The following ADAMTS13 variants were observed in gnomAD, a reference collection of about 807,000 sequenced individuals.
The protein encoded by ADAMTS13 is ADAM metallopeptidase with thrombospondin type 1 motif 13.
Under a neutral mutation model 155.1 loss-of-function variants are expected in ADAMTS13, and 110 were observed. The observed-to-expected ratio is 0.71, with a 90% CI of 0.61 to 0.83. The LOEUF (loss-of-function observed/expected upper bound fraction) is 0.83. Ranked by LOEUF, ADAMTS13 falls within the 40% of genes least tolerant of loss-of-function variation. The pLI is 0.00. For missense variants in ADAMTS13, 1,707 were observed against 1,891.7 expected (o/e 0.90, Z 1.81); for synonymous variants, 758 against 756.4 (o/e 1.00, Z -0.03).
intron 11 of ADAMTS13, among the ~76,000 whole-genome samples, chr9:133,435,023 C>T (rs587715757): frequency 2.6e-5 from 4 of 152,306 alleles, no homozygotes; most frequent in East Asian, 3.9e-4. Context: ...TTCATCCAGT[C>T]GTCTGCTGAT....
intron 5 of ADAMTS13, 23 bp from the exon 6 acceptor site, chr9:133,426,176 A>C (rs782011607): frequency 2.5e-6 from 4 of 1,614,022 alleles, no homozygotes; most frequent in Admixed American, 1.7e-5. Flanking sequence ...GCACCACCCA[A>C]GTGACTGTTT....
chr9:133,423,698 G>A (rs1052316931), intron 2 of ADAMTS13, among the ~76,000 whole-genome samples: 15 of 152,324 alleles, frequency 9.8e-5, no homozygotes, highest in African/African-American at 3.6e-4. Context: ...TGGGCTAGTG[G>A]TCAGGGGCAA....
intron 25 of ADAMTS13, 91 bp from the exon 26 acceptor site, chr9:133,455,978 C>T: frequency 1.3e-6 from 2 of 1,569,850 alleles, no homozygotes; most frequent in Non-Finnish European, 1.7e-6. Flanking sequence ...ACCCCTACCT[C>T]CTGGTCTCCT....
At chr9:133,449,762 C>T (rs782582329) in intron 22 of ADAMTS13, 21 bp from the exon 23 acceptor site, 1 of 1,613,316 alleles carries the variant, frequency 6.2e-7, no homozygotes, top group Admixed American at 1.7e-5. Context: ...GTTTGGGGTC[C>T]CTGACTCCAG....
At chr9:133,420,827 A>G (rs1839923263), upstream of ADAMTS13, among the ~76,000 whole-genome samples, 1 of 152,276 alleles carries the variant, frequency 6.6e-6, no homozygotes, top group African/African-American at 2.4e-5. Flanking sequence ...TTTAAAGATC[A>G]ATTTCAATGG....
At position 133,443,252 on chromosome 9, in the gene ADAMTS13, C is replaced by G. The variant is rs1468706316; in HGVS notation, c.2235-124C>G. 1.4e-5 allele frequency: 17 copies of G among 1,241,982 alleles called. No homozygotes were observed. In the East Asian group the frequency reaches 2.5e-4, roughly 19 times the overall value. 76.9% of individuals were successfully genotyped at this position (1,241,982 alleles called of 1,614,324 possible). On this transcript the variant is annotated intron_variant, in intron 18 of 28. Coordinates refer to ENST00000355699, the MANE Select transcript of ADAMTS13 (RefSeq NM_139027.6). Reference sequence around the variant, plus strand: ...GGCAGCCTGGGAACACCTGGAGAGGCTAGGCTGGCCGTAGTGCCCATTGCT... The same window carrying G: ...GGCAGCCTGGGAACACCTGGAGAGGGTAGGCTGGCCGTAGTGCCCATTGCT...
rs1203978443 is a variant in ADAMTS13 at position 133,433,371 on chromosome 9, C to G, written c.1093-7C>G. 1.2e-6 allele frequency: 2 copies of G among 1,612,596 alleles called. No individual in the cohort carries two copies. The highest frequency in any genetic ancestry group is 1.7e-6 in the Non-Finnish European group (2 of 1,179,912). ...GGATGGGAGATGAAGCCATCCTTGC[C>G]TTGCAGTGGTGCTCCAAGGGTCGCT... On this transcript the variant is annotated splice_region_variant and splice_polypyrimidine_tract_variant and intron_variant, in intron 9 of 28. Coordinates refer to ENST00000355699, the MANE Select transcript of ADAMTS13 (RefSeq NM_139027.6).
chr9:133,438,405 C>A (rs910040540), intron 14 of ADAMTS13, 39 bp downstream of exon 14: 2 of 1,610,736 alleles, frequency 1.2e-6, no homozygotes, highest in Admixed American at 3.3e-5. Context: ...GGGCTTCCCC[C>A]AGCCTCCAAG....
intron 8 of ADAMTS13, among the ~76,000 whole-genome samples, chr9:133,431,205 T>C (rs1031267184): frequency 6.6e-6 from 1 of 151,938 alleles, no homozygotes. Context: ...CTTCAAGCCA[T>C]CCTCCCACCT....
upstream of ADAMTS13, among the ~76,000 whole-genome samples, chr9:133,419,136 G>A (rs1470955388): frequency 1.3e-5 from 2 of 152,128 alleles, no homozygotes; most frequent in Non-Finnish European, 2.9e-5. Context: ...CACCGTGCCC[G>A]GCCGGGAGTG....
At position 133,438,317 on chromosome 9, in the gene ADAMTS13, C is replaced by T; in HGVS notation, c.1656C>T (p.Asn552=). Residue 552 remains asparagine (N), a synonymous_variant, in exon 14 of 29, where the codon AAC becomes AAT. Transcript: ENST00000355699. ...WDRCQVCGGD[N]STCSPRKGSF... is the part of the protein sequence containing the mutation. ...GGTGCCAGGTGTGTGGTGGGGACAA[C>T]AGCACGTGCAGCCCACGGAAGGGCT... is the stretch of plus-strand genomic sequence containing the variant. The T allele has an allele frequency of 1.2e-6, 2 of 1,614,122 alleles. No homozygotes were observed. Among genetic ancestry groups the T allele is most frequent in the South Asian group, 1.1e-5 (1 of 91,088 alleles).
Position 133,425,447 on chromosome 9 carries a change from C to A in ADAMTS13, c.331-82C>A. On this transcript the variant is annotated intron_variant, in intron 3 of 28. Coordinates refer to ENST00000355699, the MANE Select transcript of ADAMTS13 (RefSeq NM_139027.6). The surrounding 1 kb of genome is among the most constrained non-coding windows in gnomAD (Gnocchi z 4.6). ...GTAGCCTCTCCAGCTCTTCACACTC[C>A]GGGGGCCCCTGGGAGTCAGCAGCTG... is the stretch of plus-strand genomic sequence containing the variant. The A allele has an allele frequency of 3.1e-6, 4 of 1,310,782 alleles. No homozygotes were observed. Among genetic ancestry groups the A allele is most frequent in the Non-Finnish European group, 4.3e-6 (4 of 933,864 alleles). The allele number at this position is 1,310,782 out of a possible 1,614,324, so 81.2% of individuals were successfully genotyped here.
intron 1 of ADAMTS13, chr9:133,414,737 A>C: frequency 6.2e-7 from 1 of 1,614,166 alleles, no homozygotes; most frequent in Non-Finnish European, 8.5e-7. Flanking sequence ...TTCTGGAACA[A>C]TATCACCATT....
chr9:133,444,582 C>T (rs939530922), intron 19 of ADAMTS13, among the ~76,000 whole-genome samples: 12 of 152,194 alleles, frequency 7.9e-5, no homozygotes, highest in African/African-American at 2.9e-4. Flanking sequence ...GCTGAGCTAC[C>T]GTGCCTGGCC....
At position 133,429,977 on chromosome 9, in the gene ADAMTS13, C is replaced by T. The variant is rs1429373014; in HGVS notation, c.863C>T (p.Pro288Leu). The T allele has an allele frequency of 7.1e-6, 11 of 1,548,258 alleles. No individual in the cohort carries two copies. The highest frequency in any genetic ancestry group is 7.8e-6 in the Non-Finnish European group (9 of 1,151,540). Reference protein sequence around the residue: ...RARCVWDPPRPQPGSAGHPPD... With the variant: ...RARCVWDPPRLQPGSAGHPPD... Reference sequence around the variant, plus strand: ...CGCTGCGTGTGGGACCCGCCGCGGCCTCAACCCGGGTCCGCGGGGCACCCG... The same window carrying T: ...CGCTGCGTGTGGGACCCGCCGCGGCTTCAACCCGGGTCCGCGGGGCACCCG... The change falls in exon 8 of 29, where the codon CCT (proline) becomes CTT (leucine). Residue 288 changes from proline to leucine, a missense_variant. Physicochemically the swap from Pro to Leu is moderately conservative, Grantham distance 98. Transcript: ENST00000355699.
chr9:133,448,338 C>T (rs782674387), intron 21 of ADAMTS13, among the ~76,000 whole-genome samples: 56 of 152,208 alleles, frequency 3.7e-4, no homozygotes, highest in Non-Finnish European at 7.5e-4. Flanking sequence ...TGTCAAGTGT[C>T]TACTGTGTGC....
At chr9:133,437,418 G>A (rs1381428232) in intron 12 of ADAMTS13, among the ~76,000 whole-genome samples, 1 of 152,124 alleles carries the variant, frequency 6.6e-6, no homozygotes, top group East Asian at 1.9e-4. Context: ...TACCATGCCG[G>A]CTAATTTTTT....
chr9:133,454,891 C>A (rs1275534122), intron 24 of ADAMTS13, among the ~76,000 whole-genome samples: 2 of 152,160 alleles, frequency 1.3e-5, no homozygotes, highest in Non-Finnish European at 2.9e-5. Flanking sequence ...GGAATGCCAG[C>A]TGTGCCACGC....
rs1554793371 is a variant in ADAMTS13 at position 133,448,727 on chromosome 9, C to T, written c.2860C>T (p.Arg954Trp). Residue 954 changes from arginine to tryptophan, a missense_variant and splice_region_variant, in exon 22 of 29, where the codon CGG becomes TGG. By Grantham distance (101) the Arg-to-Trp change is moderately radical (BLOSUM62 -3). This residue lies in a region of ADAMTS13 where 961 missense variants were observed against 1,107.9 expected (regional missense o/e 0.87). Transcript: ENST00000355699. ...EVCQAVPCPA[R>W]WQYKLAACSV... ...CTGCCAGGCTGTCCCGTGCCCTGCT[C>T]GGTGAGTGAGGGGAGCAAGACTGTG... 1.9e-6 allele frequency: 3 copies of T among 1,600,410 alleles called. No homozygotes were observed. Among genetic ancestry groups the T allele is most frequent in the Admixed American group, 1.7e-5 (1 of 59,980 alleles).
Sources: gnomAD v4.1 joint callset for allele counts (sites outside exome capture counted in the v4.1 genomes callset) on GRCh38, gnomAD v4.1.1 for gene constraint, gnomAD v4.1.1 regional missense constraint, Gnocchi (gnomAD v3.1) non-coding constraint, MANE v1.5 for transcripts, NCBI Gene and HGNC (gene_info 2026-07-23, HGNC 2026-07-21) for gene names.